The following CALCRL variants were observed in gnomAD, a reference collection of about 807,000 sequenced individuals.
CALCRL encodes calcitonin receptor like receptor.
In CALCRL, 27 loss-of-function variants were observed where a neutral mutation model predicts 60.4. The observed-to-expected ratio is 0.45, with a 90% CI of 0.33 to 0.62. The LOEUF (loss-of-function observed/expected upper bound fraction) is 0.62, where lower values mean the gene tolerates loss of function less well. Among genes scored for constraint, CALCRL ranks in the 20% least tolerant of loss-of-function variants. The pLI is 0.03. For missense variants in CALCRL, 424 were observed against 540.7 expected, an observed-to-expected ratio of 0.78 and a Z score of 2.14; for synonymous variants, 190 against 182.6, an observed-to-expected ratio of 1.04 and a Z score of -0.33.
intron 4 of CALCRL, among the ~76,000 whole-genome samples, chr2:187,384,471 C>A (rs138913755): frequency 8.1e-4 from 124 of 152,274 alleles, no homozygotes; most frequent in African/African-American, 2.9e-3. Flanking sequence ...TTACAATAAT[C>A]AGTTGCTAAT....
rs377319365 is a variant in CALCRL, at chr2:187,383,294, T to G, written c.63A>C (p.Thr21=). The G allele has an allele frequency of 2.5e-6, 4 of 1,599,570 alleles. No individual in the cohort carries two copies. Among genetic ancestry groups the G allele is most frequent in the Non-Finnish European group, 3.4e-6 (4 of 1,175,578 alleles). Residue 21 remains threonine (T), a synonymous_variant, in exon 5 of 15, where the codon ACA becomes ACC. Coordinates refer to ENST00000392370, the MANE Select transcript of CALCRL (RefSeq NM_005795.6). The part of the protein sequence containing the change: ...VLLPFFMILV[T]AELEESPEDS... ...CCTCAGGACTCTCTTCTAATTCTGC[T>G]GTAACAAGAATCTAAGGGATTAAAA...
intron 1 of CALCRL, among the ~76,000 whole-genome samples, chr2:187,431,668 C>G (rs13419272): frequency 0.026 from 3,883 of 151,704 alleles, 170 homozygotes; most frequent in African/African-American, 0.088. Flanking sequence ...AGGTCTTGGC[C>G]CTAGGAAGAT....
At chr2:187,347,585 G>T (rs1686338894) in intron 14 of CALCRL, among the ~76,000 whole-genome samples, 1 of 151,164 alleles carries the variant, frequency 6.6e-6, no homozygotes, top group Non-Finnish European at 1.5e-5. Context: ...CTTTAAAAAG[G>T]GCTTACTTCT....
chr2:187,361,869 TATTC>T (rs1252596721), intron 9 of CALCRL, among the ~76,000 whole-genome samples: 11 of 151,976 alleles, frequency 7.2e-5, no homozygotes, highest in Non-Finnish European at 8.8e-5. Flanking sequence ...AAAACCTATT[TATTC>T]ATTAAATGTA....
intron 1 of CALCRL, among the ~76,000 whole-genome samples, chr2:187,426,404 T>C (rs1295690380): frequency 2.0e-5 from 3 of 151,978 alleles, no homozygotes; most frequent in Non-Finnish European, 4.4e-5. Context: ...CAAATGAATG[T>C]TTTTAAAAAG....
At chr2:187,440,382 C>T (rs1559080909) in intron 1 of CALCRL, among the ~76,000 whole-genome samples, 1 of 152,094 alleles carries the variant, frequency 6.6e-6, no homozygotes, top group Non-Finnish European at 1.5e-5. Context: ...AAACATCTAA[C>T]ATCTTTTATT....
In CALCRL at chr2:187,429,952, G is replaced by A. The variant is rs184492122; in HGVS notation, c.-293+18087C>T. Reference sequence around the variant, plus strand: ...CATGAAGACATGACTGATACACACAGATAGTGGAGGCCAAATCCAGTTCTT... The same window carrying A: ...CATGAAGACATGACTGATACACACAAATAGTGGAGGCCAAATCCAGTTCTT... On this transcript the variant is annotated intron_variant, in intron 1 of 14. Transcript: ENST00000392370. Among the ~76,000 whole-genome samples the A allele has an allele frequency of 3.7e-3, 564 of 152,302 alleles. 8 individuals carry two copies. Among genetic ancestry groups the A allele is most frequent in the Non-Finnish European group, 1.7e-3 (116 of 68,026 alleles).
chr2:187,394,447 A>G (rs1460326623), intron 1 of CALCRL, among the ~76,000 whole-genome samples: 1 of 152,114 alleles, frequency 6.6e-6, no homozygotes, highest in Admixed American at 6.6e-5. Context: ...TACTAAATTT[A>G]TGGTCATTTG....
intron 1 of CALCRL, among the ~76,000 whole-genome samples, chr2:187,443,708 A>G (rs1192983223): frequency 6.6e-6 from 1 of 151,784 alleles, no homozygotes; most frequent in Non-Finnish European, 1.5e-5. Context: ...ACTAAGTACA[A>G]AATAAAAATC....
chr2:187,410,005 C>G (rs760118262), intron 1 of CALCRL, among the ~76,000 whole-genome samples: 32 of 152,162 alleles, frequency 2.1e-4, no homozygotes, highest in Non-Finnish European at 3.8e-4. Context: ...AGACTCTGGC[C>G]TTTGTCTTAT....
At position 187,346,233 on chromosome 2, in the gene CALCRL, A is replaced by G. The variant is rs369317777; in HGVS notation, c.1337T>C (p.Ile446Thr). ...TAAGAGAACATTTTCAATATCATGG[A>G]TGCTTTTTCCATTTAAGTGTTCACT... is the stretch of plus-strand genomic sequence containing the variant. ...CPSEHLNGKS[I>T]HDIENVLLKP... The change falls in exon 15 of 15, where the codon ATC becomes ACC. Residue 446 changes from isoleucine (I) to threonine (T), a missense_variant. Around this residue, in one of 7 missense-constraint regions of CALCRL, gnomAD observed 222 missense variants for 265.6 expected, o/e 0.84. Transcript: ENST00000392370. The G allele has an allele frequency of 6.1e-5, 99 of 1,611,688 alleles. No individual in the cohort carries two copies. The highest frequency in any genetic ancestry group is 5.4e-4 in the East Asian group (24 of 44,820).
chr2:187,428,509 G>C (rs1690249323), intron 1 of CALCRL: 1 of 152,152 alleles, frequency 6.6e-6, no homozygotes, highest in African/African-American at 2.4e-5. Context: ...TACCTAATTT[G>C]AACTCTGAGA....
rs1202958876 is a variant in CALCRL, at chr2:187,402,004, G to A, written c.-292-14248C>T. ...GAAAGGAAGAAGGGAAAGAAGGAAG[G>A]AAGGCAGGAAGGAAGGAGAGAAATC... On this transcript the variant is annotated intron_variant, in intron 1 of 14. Coordinates refer to ENST00000392370, the MANE Select transcript of CALCRL (RefSeq NM_005795.6). Among the ~76,000 whole-genome samples the A allele has an allele frequency of 5.9e-5, 9 of 151,340 alleles. No individual in the cohort carries two copies. In the East Asian group the frequency reaches 1.2e-3, roughly 20 times the overall value.
At chr2:187,434,677 T>C (rs1240736189) in intron 1 of CALCRL, among the ~76,000 whole-genome samples, 1 of 152,090 alleles carries the variant, frequency 6.6e-6, no homozygotes, top group African/African-American at 2.4e-5. Flanking sequence ...TTGTTTGTAA[T>C]ATCAAAACTG....
intron 1 of CALCRL, among the ~76,000 whole-genome samples, chr2:187,439,653 G>A (rs1049782311): frequency 2.6e-5 from 4 of 152,196 alleles, no homozygotes; most frequent in Non-Finnish European, 4.4e-5. Flanking sequence ...AATAATCATC[G>A]ATGTAAGCTC....
rs56075258 is a variant in CALCRL, at chr2:187,411,978, CAA to C, written c.-292-24224_-292-24223del. Among the ~76,000 whole-genome samples the C allele has an allele frequency of 3.8e-3, 231 of 61,478 alleles. 1 individual carries two copies. The highest frequency in any genetic ancestry group is 0.012 in the African/African-American group (199 of 16,990). 40.3% of individuals were successfully genotyped at this position (61,478 alleles called of 152,430 possible). On this transcript the variant is annotated intron_variant, in intron 1 of 14. Coordinates refer to ENST00000392370, the MANE Select transcript of CALCRL (RefSeq NM_005795.6). The stretch of plus-strand genomic sequence containing the variant: ...TGGGCGACAGAGCGAGACTCTGTCT[CAA>C]AAAAAAAAAAAAAAAAAAAAAGAAT...
intron 12 of CALCRL, among the ~76,000 whole-genome samples, chr2:187,353,193 A>G (rs1686610308): frequency 6.6e-6 from 1 of 151,842 alleles, no homozygotes; most frequent in African/African-American, 2.4e-5. Flanking sequence ...ATTTTCACCC[A>G]GTCAATATCT....
intron 12 of CALCRL, among the ~76,000 whole-genome samples, chr2:187,354,771 T>C (rs1686699557): frequency 6.6e-6 from 1 of 152,086 alleles, no homozygotes; most frequent in African/African-American, 2.4e-5. Context: ...TCATCCTTAC[T>C]CTTCTTCCTT....
At position 187,345,297 on chromosome 2, in the gene CALCRL, G is replaced by A. The variant is rs2105675593; in HGVS notation, c.*887C>T. On this transcript the variant is annotated 3_prime_UTR_variant, in exon 15 of 15. Coordinates refer to ENST00000392370, the MANE Select transcript of CALCRL (RefSeq NM_005795.6). ...ACAATTTCTTTTTACAAAATTCCAAGAAAATAAGAAATCCTTCATTGATTT... is the reference window on the plus strand; with the variant it reads ...ACAATTTCTTTTTACAAAATTCCAAAAAAATAAGAAATCCTTCATTGATTT... The A allele has an allele frequency of 6.6e-6, 1 of 152,174 alleles. No individual in the cohort carries two copies. The highest frequency in any genetic ancestry group is 1.9e-4 in the East Asian group (1 of 5,170). The allele number at this position is 152,174 out of a possible 1,614,324, so 9.4% of individuals were successfully genotyped here. A position where few individuals can be genotyped will look rare whatever the true frequency, so the allele number is the denominator to read the frequency against.
Sources: allele counts gnomAD v4.1 joint callset (sites outside exome capture counted in the v4.1 genomes callset), GRCh38; gene constraint gnomAD v4.1.1; regional missense constraint gnomAD v4.1.1; transcripts MANE v1.5; gene names NCBI Gene and HGNC (gene_info 2026-07-23, HGNC 2026-07-21).